Variants in FRMD4A observed in about 807,000 individuals in gnomAD.
FRMD4A encodes FERM domain containing 4A.
FRMD4A carries 29 observed loss-of-function variants against 129.1 expected under a neutral mutation model. The ratio of observed to expected loss-of-function variants is 0.22; its 90% CI spans 0.17 to 0.31. The LOEUF (loss-of-function observed/expected upper bound fraction) is 0.31, where lower values mean the gene tolerates loss of function less well. FRMD4A is among the 10% of genes least tolerant of loss of function. The pLI is 1.00. For synonymous variants in FRMD4A, 634 were observed against 571.6 expected, an observed-to-expected ratio of 1.11 and a Z score of -1.56; for missense variants, 1,272 against 1,375.8, an observed-to-expected ratio of 0.92 and a Z score of 1.19.
At position 14,094,622 on chromosome 10, in the gene FRMD4A, G is replaced by A. The variant is rs35579831; in HGVS notation, c.45+235436C>T. 9.3e-3 allele frequency among the ~76,000 whole-genome samples: 1,418 copies of A among 152,264 alleles called. 12 individuals are homozygous for A. Among genetic ancestry groups the A allele is most frequent in the Middle Eastern group, 0.027 (8 of 292 alleles). On this transcript the variant is annotated intron_variant, in intron 2 of 24. Coordinates refer to ENST00000357447, the MANE Select transcript of FRMD4A (RefSeq NM_018027.5). ...AGTGAGCCCTGCATGGCTCCATGTGGCCCTGCTGGAAAAATCCTGTCTGCT... is the reference window on the plus strand; with the variant it reads ...AGTGAGCCCTGCATGGCTCCATGTGACCCTGCTGGAAAAATCCTGTCTGCT...
intron 2 of FRMD4A, among the ~76,000 whole-genome samples, chr10:14,240,635 C>T (rs559305424): frequency 1.3e-5 from 2 of 152,226 alleles, no homozygotes; most frequent in African/African-American, 4.8e-5. Flanking sequence ...ACCTGCATAA[C>T]GTTTAACCAT....
intron 3 of FRMD4A, among the ~76,000 whole-genome samples, chr10:13,858,047 C>T (rs1281730999): frequency 6.6e-6 from 1 of 152,216 alleles, no homozygotes; most frequent in African/African-American, 2.4e-5. Flanking sequence ...AATGTCAACT[C>T]ATGAGATGGG....
chr10:14,126,733 G>T (rs970760376), intron 2 of FRMD4A, among the ~76,000 whole-genome samples: 2 of 152,194 alleles, frequency 1.3e-5, no homozygotes, highest in Admixed American at 1.3e-4. Flanking sequence ...GAATCACCTT[G>T]CAGAGAGGAT....
At chr10:14,305,177 T>C (rs1846308465) in intron 2 of FRMD4A, among the ~76,000 whole-genome samples, 1 of 152,168 alleles carries the variant, frequency 6.6e-6, no homozygotes, top group Non-Finnish European at 1.5e-5. Flanking sequence ...AAGCAGTTAG[T>C]GAAAGATTTT....
intron 15 of FRMD4A, among the ~76,000 whole-genome samples, chr10:13,677,262 A>ATG (rs2084087854): frequency 6.6e-6 from 1 of 152,214 alleles, no homozygotes; most frequent in African/African-American, 2.4e-5. Context: ...AATAGAGAAT[A>ATG]TATCTGTCAC....
At chr10:13,776,808 C>T (rs916019304) in intron 6 of FRMD4A, among the ~76,000 whole-genome samples, 2 of 152,128 alleles carry the variant, frequency 1.3e-5, no homozygotes, top group South Asian at 2.1e-4. Flanking sequence ...GTATCAGCAT[C>T]GGGATGGGTT....
At chr10:14,061,775 G>A (rs558047214) in intron 2 of FRMD4A, among the ~76,000 whole-genome samples, 6 of 152,270 alleles carry the variant, frequency 3.9e-5, no homozygotes, top group African/African-American at 1.4e-4. Flanking sequence ...CGTGGTACCT[G>A]GAACTATGAC....
At chr10:14,236,877 T>C (rs1460273063) in intron 2 of FRMD4A, among the ~76,000 whole-genome samples, 5 of 151,938 alleles carry the variant, frequency 3.3e-5, no homozygotes, top group Admixed American at 3.3e-4. Context: ...TCTGTGTGTT[T>C]GGGTCTGGGT....
intron 2 of FRMD4A, among the ~76,000 whole-genome samples, chr10:14,114,879 C>A (rs1014924662): frequency 4.6e-5 from 7 of 152,216 alleles, no homozygotes; most frequent in African/African-American, 1.4e-4. Context: ...GGGTTCAGCA[C>A]TGGATCCATG....
intron 2 of FRMD4A, among the ~76,000 whole-genome samples, chr10:14,145,510 C>T (rs924275917): frequency 6.6e-6 from 1 of 152,158 alleles, no homozygotes; most frequent in Non-Finnish European, 1.5e-5. Context: ...GATAATCACA[C>T]ATCTATTGTT....
chr10:14,201,485 C>T (rs1197766841), intron 2 of FRMD4A, among the ~76,000 whole-genome samples: 1 of 152,200 alleles, frequency 6.6e-6, no homozygotes, highest in Non-Finnish European at 1.5e-5. Flanking sequence ...GGAAATAATA[C>T]AGACTCGCTT....
At chr10:14,199,160 T>TTTTATTTAAA (rs1842557212) in intron 2 of FRMD4A, among the ~76,000 whole-genome samples, 1 of 152,102 alleles carries the variant, frequency 6.6e-6, no homozygotes, top group Non-Finnish European at 1.5e-5. Flanking sequence ...AAAATTTTTA[T>TTTTATTTAAA]GTTGTTTCCA....
chr10:14,129,514 C>A (rs1303202686), intron 2 of FRMD4A, among the ~76,000 whole-genome samples: 1 of 150,854 alleles, frequency 6.6e-6, no homozygotes, highest in African/African-American at 2.4e-5. Flanking sequence ...AGGACAGAAG[C>A]CTGACTTTAG....
intron 8 of FRMD4A, among the ~76,000 whole-genome samples, chr10:13,750,089 AAAGAAAGAAAGAAAGAAATG>A (rs1229229100): frequency 5.7e-4 from 47 of 81,842 alleles, no homozygotes; most frequent in South Asian, 3.0e-3. Flanking sequence ...AGAAAGAAAG[AAAGAAAGAAAGAAAGAAATG>A]AAGAAAGAAA....
chr10:13,879,347 A>C (rs947352053), intron 2 of FRMD4A, among the ~76,000 whole-genome samples: 2 of 152,054 alleles, frequency 1.3e-5, no homozygotes, highest in Non-Finnish European at 2.9e-5. Context: ...ACAAACAAAA[A>C]AAATCTTTTA....
chr10:13,729,718 G>A (rs1476103870), intron 12 of FRMD4A, among the ~76,000 whole-genome samples: 1 of 152,160 alleles, frequency 6.6e-6, no homozygotes, highest in Non-Finnish European at 1.5e-5. Context: ...ATGCCTCAGA[G>A]GGGACCCCAT....
At chr10:13,978,993 C>T (rs966935215) in intron 2 of FRMD4A, among the ~76,000 whole-genome samples, 2 of 152,110 alleles carry the variant, frequency 1.3e-5, no homozygotes, top group Admixed American at 6.5e-5. Context: ...AAGTAAGCTG[C>T]CATATGCACA....
intron 3 of FRMD4A, among the ~76,000 whole-genome samples, chr10:13,829,978 T>C (rs1012290205): frequency 5.9e-5 from 9 of 152,236 alleles, no homozygotes; most frequent in African/African-American, 2.2e-4. Context: ...TTCCTGTCGC[T>C]GGCACCTGAT....
At chr10:14,154,005 C>T (rs1373845877) in intron 2 of FRMD4A, among the ~76,000 whole-genome samples, 1 of 152,162 alleles carries the variant, frequency 6.6e-6, no homozygotes, top group African/African-American at 2.4e-5. Flanking sequence ...TTCCTGCTGT[C>T]ACCTCGCCAT....
Sources: allele counts gnomAD v4.1 joint callset (sites outside exome capture counted in the v4.1 genomes callset), GRCh38; gene constraint gnomAD v4.1.1; transcripts MANE v1.5; gene names NCBI Gene and HGNC (gene_info 2026-07-23, HGNC 2026-07-21).